The following CDH20 variants were observed in gnomAD, a reference collection of about 807,000 sequenced individuals.
CDH20 encodes the protein cadherin 20, also known as cadherin-20.
CDH20 carries 29 observed loss-of-function variants against 74.2 expected under a neutral mutation model. The ratio of observed to expected loss-of-function variants is 0.39; its 90% confidence interval spans 0.29 to 0.53. The LOEUF is 0.53. Ranked by LOEUF, CDH20 falls within the 20% of genes least tolerant of loss-of-function variation. CDH20 has a pLI of 0.69. For synonymous variants in CDH20, 469 were observed against 405.4 expected (o/e 1.16, Z -1.88); for missense variants, 988 against 1,048.3 (o/e 0.94, Z 0.79).
chr18:61,539,944 T>A (rs1290232057), intron 9 of CDH20, among the ~76,000 whole-genome samples: 1 of 152,244 alleles, frequency 6.6e-6, no homozygotes, highest in East Asian at 1.9e-4. Context: ...GAGACATATT[T>A]GTGTATTTTT....
At chr18:61,354,062 A>AAAAAG (rs1427327351) in intron 1 of CDH20, among the ~76,000 whole-genome samples, 1 of 151,820 alleles carries the variant, frequency 6.6e-6, no homozygotes, top group Non-Finnish European at 1.5e-5. Context: ...AAAGAAAAAG[A>AAAAAG]AAAAGAAAAG....
intron 1 of CDH20, among the ~76,000 whole-genome samples, chr18:61,397,844 C>T (rs1281400250): frequency 6.6e-6 from 1 of 152,128 alleles, no homozygotes; most frequent in Non-Finnish European, 1.5e-5. Flanking sequence ...TGAGTCAATG[C>T]CTGGCACATA....
intron 1 of CDH20, among the ~76,000 whole-genome samples, chr18:61,364,142 G>A (rs759703417): frequency 3.9e-5 from 6 of 152,092 alleles, no homozygotes; most frequent in Non-Finnish European, 8.8e-5. Context: ...GGAACATGAT[G>A]AAGCTATGGT....
intron 1 of CDH20, among the ~76,000 whole-genome samples, chr18:61,424,290 G>A (rs1182374835): frequency 1.3e-5 from 2 of 152,238 alleles, no homozygotes; most frequent in African/African-American, 2.4e-5. Flanking sequence ...GCTACAGTGA[G>A]CATTTCACCA....
intron 1 of CDH20, among the ~76,000 whole-genome samples, chr18:61,406,549 T>A (rs1363758236): frequency 6.6e-6 from 1 of 152,134 alleles, no homozygotes; most frequent in African/African-American, 2.4e-5. Flanking sequence ...ATCAACAAAT[T>A]AATAAGTACA....
chr18:61,413,935 T>G (rs1811997033), intron 1 of CDH20, among the ~76,000 whole-genome samples: 1 of 152,146 alleles, frequency 6.6e-6, no homozygotes, highest in South Asian at 2.1e-4. Context: ...ATTAAAAAAT[T>G]AGGTTGTCAA....
intron 11 of CDH20, among the ~76,000 whole-genome samples, chr18:61,553,083 T>C (rs1359443999): frequency 1.3e-5 from 2 of 152,336 alleles, no homozygotes; most frequent in East Asian, 3.9e-4. Context: ...TAATTGCAAT[T>C]GATAAAAAAG....
In CDH20 at chr18:61,542,388, A is replaced by G. The variant is rs72995655; in HGVS notation, c.1531-2639A>G. On this transcript the variant is annotated intron_variant, in intron 9 of 11. Transcript: ENST00000262717. ...GCATACCCTGAGATGGAGTTCCAGT[A>G]TAAGGTGTTTATTAAGGAGGGCCCT... 6.1e-3 allele frequency among the ~76,000 whole-genome samples: 925 copies of G among 152,298 alleles called. 6 individuals are homozygous for G. The highest frequency in any genetic ancestry group is 0.011 in the Non-Finnish European group (720 of 68,032).
chr18:61,394,371 A>G (rs972042227), intron 1 of CDH20, among the ~76,000 whole-genome samples: 4 of 152,220 alleles, frequency 2.6e-5, no homozygotes, highest in Admixed American at 6.5e-5. Flanking sequence ...AGATGAGGTC[A>G]TTAGGGTGGG....
At position 61,336,429 on chromosome 18, in the gene CDH20, T is replaced by C. The variant is rs183716549; in HGVS notation, c.-153+2602T>C. On this transcript the variant is annotated intron_variant, in intron 1 of 11. Coordinates refer to ENST00000262717, the MANE Select transcript of CDH20 (RefSeq NM_031891.4). ...TACCCTCTACCCTCTCAGACCCTTA[T>C]ACATTTGTAAATATCCCCCAAGTTC... Among the ~76,000 whole-genome samples the C allele has an allele frequency of 9.1e-4, 138 of 152,340 alleles. 1 individual carries two copies. Among genetic ancestry groups the C allele is most frequent in the African/African-American group, 3.2e-3 (131 of 41,584 alleles).
chr18:61,347,287 AATATATATATATAT>A (rs758677743), intron 1 of CDH20, among the ~76,000 whole-genome samples: 8 of 86,454 alleles, frequency 9.3e-5, no homozygotes, highest in Admixed American at 6.2e-4. Context: ...TGTCTCTGCT[AATATATATATATAT>A]ATATATATAT....
At chr18:61,406,845 T>C (rs1381423688) in intron 1 of CDH20, among the ~76,000 whole-genome samples, 2 of 151,484 alleles carry the variant, frequency 1.3e-5, no homozygotes, top group Non-Finnish European at 2.9e-5. Flanking sequence ...GGAAACATCA[T>C]TAAAAACAAA....
chr18:61,457,212 T>C (rs1456727772), intron 1 of CDH20, among the ~76,000 whole-genome samples: 1 of 152,092 alleles, frequency 6.6e-6, no homozygotes, highest in Non-Finnish European at 1.5e-5. Context: ...CCTCAGTGGT[T>C]GTCTAATTAT....
At chr18:61,544,564 G>C (rs879886388) in intron 9 of CDH20, among the ~76,000 whole-genome samples, 5 of 152,128 alleles carry the variant, frequency 3.3e-5, no homozygotes, top group Admixed American at 2.0e-4. Flanking sequence ...CCCCGGATTC[G>C]GGCTTCCCAG....
At chr18:61,440,927 G>T (rs1909009600) in intron 1 of CDH20, among the ~76,000 whole-genome samples, 1 of 152,170 alleles carries the variant, frequency 6.6e-6, no homozygotes, top group African/African-American at 2.4e-5. Context: ...GGATGGAGCT[G>T]CAGTCACATT....
intron 11 of CDH20, among the ~76,000 whole-genome samples, chr18:61,550,485 G>T (rs1251468806): frequency 6.6e-6 from 1 of 152,196 alleles, no homozygotes; most frequent in East Asian, 1.9e-4. Context: ...AAGGTGCTAG[G>T]ATTAATAAAA....
At chr18:61,418,705 A>C (rs1348276114) in intron 1 of CDH20, among the ~76,000 whole-genome samples, 1 of 151,908 alleles carries the variant, frequency 6.6e-6, no homozygotes, top group Non-Finnish European at 1.5e-5. Context: ...ACTCAGTTTT[A>C]TTTATTTATA....
chr18:61,476,253 A>C (rs1910379864), intron 1 of CDH20, among the ~76,000 whole-genome samples: 1 of 151,956 alleles, frequency 6.6e-6, no homozygotes, highest in Non-Finnish European at 1.5e-5. Context: ...CAAAGTCATC[A>C]CTCTGTGACA....
chr18:61,476,681 A>G (rs1335108752), intron 1 of CDH20, among the ~76,000 whole-genome samples: 1 of 152,208 alleles, frequency 6.6e-6, no homozygotes, highest in Non-Finnish European at 1.5e-5. Context: ...CCTTGATACC[A>G]AAACTAGGCT....
Sources: allele counts gnomAD v4.1 joint callset (sites outside exome capture counted in the v4.1 genomes callset), GRCh38; gene constraint gnomAD v4.1.1; transcripts MANE v1.5; gene names NCBI Gene and HGNC (gene_info 2026-07-23, HGNC 2026-07-21).